Variants in TG observed in about 807,000 individuals in gnomAD.
The protein encoded by TG is thyroid hormones.
Under a neutral mutation model 324.7 loss-of-function variants are expected in TG, and 270 were observed. The observed-to-expected ratio is 0.83, with a 90% CI of 0.75 to 0.92. The LOEUF (loss-of-function observed/expected upper bound fraction) is 0.92, where lower values mean the gene tolerates loss of function less well. Among genes scored for constraint, TG ranks in the 40% least tolerant of loss-of-function variants. The probability of loss-of-function intolerance (pLI) is 0.00; values close to 1 mark genes in which losing one functional copy is unlikely to be tolerated. For synonymous variants in TG, 1,401 were observed against 1,327.0 expected, an observed-to-expected ratio of 1.06 and a Z score of -1.21; for missense variants, 3,591 against 3,456.4, an observed-to-expected ratio of 1.04 and a Z score of -0.98.
intron 8 of TG, among the ~76,000 whole-genome samples, chr8:132,886,075 G>C (rs1317937808): frequency 6.6e-6 from 1 of 152,158 alleles, no homozygotes; most frequent in African/African-American, 2.4e-5. Flanking sequence ...ACATTCTGAG[G>C]TTCCCTGTAG....
chr8:132,888,364 A>G lies in TG; in HGVS notation c.2557A>G (p.Lys853Glu). Residue 853 changes from lysine (K) to glutamate (E), a missense_variant, in exon 10 of 48, where the codon AAA becomes GAA. Physicochemically the swap from Lys to Glu is moderately conservative, Grantham distance 56. Coordinates refer to ENST00000220616, the MANE Select transcript of TG (RefSeq NM_003235.5). Reference protein sequence around the residue: ...QDVPLAALEGKRPQPRENILL... With the variant: ...QDVPLAALEGERPQPRENILL... ...TGTCCCACTAGCAGCACTGGAAGGG[A>G]AACGGCCCCAGCCCAGGGAGAATAT... is the stretch of plus-strand genomic sequence containing the variant. The G allele has an allele frequency of 6.2e-7, 1 of 1,614,200 alleles. No homozygotes were observed. The highest frequency in any genetic ancestry group is 2.2e-5 in the East Asian group (1 of 44,888).
chr8:133,095,961 G>A (rs537426560), intron 42 of TG, among the ~76,000 whole-genome samples: 1 of 152,182 alleles, frequency 6.6e-6, no homozygotes, highest in Non-Finnish European at 1.5e-5. Context: ...TCCCTACCTG[G>A]GGATCTGCTG....
At chr8:133,019,892 C>T (rs1031566648) in intron 39 of TG, among the ~76,000 whole-genome samples, 197 bp downstream of exon 39, 1 of 152,152 alleles carries the variant, frequency 6.6e-6, no homozygotes, top group Non-Finnish European at 1.5e-5. Context: ...GTGGCTAGAA[C>T]CAGTGAGTGG....
intron 37 of TG, among the ~76,000 whole-genome samples, chr8:133,014,230 A>G (rs999053599): frequency 2.6e-5 from 4 of 152,214 alleles, no homozygotes; most frequent in African/African-American, 9.6e-5. Context: ...CTATCTCAAG[A>G]TGCAATCCTC....
intron 35 of TG, among the ~76,000 whole-genome samples, chr8:133,008,681 C>T (rs767631131): frequency 1.1e-4 from 17 of 152,178 alleles, no homozygotes; most frequent in South Asian, 4.1e-4. Context: ...CCCTAGCTAG[C>T]GCTACCACTT....
intron 41 of TG, among the ~76,000 whole-genome samples, chr8:133,056,669 C>G (rs1449396392): frequency 6.6e-6 from 1 of 152,198 alleles, no homozygotes; most frequent in Non-Finnish European, 1.5e-5. Flanking sequence ...TAGGCAGAAG[C>G]CTCGTGGGGC....
intron 25 of TG, among the ~76,000 whole-genome samples, chr8:132,939,671 T>TG (rs1422272660): frequency 0.02 from 2,356 of 120,412 alleles, 61 homozygotes; most frequent in African/African-American, 0.052. Context: ...GGGTTTTTTT[T>TG]TTTTGTTTGT....
rs1463437378 is a variant in TG, at chr8:133,017,998, G to T, written c.6782+1G>T. ...GCTCCTGGGATGCCAGCAAGCCAAGGTATGGGTTGAGTGGAGCACATCTTG... is the reference window on the plus strand; with the variant it reads ...GCTCCTGGGATGCCAGCAAGCCAAGTTATGGGTTGAGTGGAGCACATCTTG... On this transcript the variant is annotated splice_donor_variant, in intron 38 of 47. Transcript: ENST00000220616. LOFTEE classifies it high-confidence loss of function. 1.5e-5 allele frequency: 24 copies of T among 1,613,904 alleles called. No individual in the cohort carries two copies. The highest frequency in any genetic ancestry group is 1.9e-5 in the Non-Finnish European group (23 of 1,179,926).
At chr8:133,066,187 G>A (rs977342636) in intron 41 of TG, among the ~76,000 whole-genome samples, 3 of 152,024 alleles carry the variant, frequency 2.0e-5, no homozygotes, top group South Asian at 2.1e-4. Context: ...TTAGCCGGGC[G>A]TGGTGGCAGG....
At chr8:132,948,215 G>C (rs556195398) in intron 26 of TG, among the ~76,000 whole-genome samples, 3 of 151,678 alleles carry the variant, frequency 2.0e-5, no homozygotes, top group Non-Finnish European at 2.9e-5. Context: ...TTGAATCTAA[G>C]TACTCCTTTA....
At chr8:132,957,334 C>A (rs1827033617) in intron 27 of TG, among the ~76,000 whole-genome samples, 1 of 152,060 alleles carries the variant, frequency 6.6e-6, no homozygotes, top group Non-Finnish European at 1.5e-5. Flanking sequence ...AGCATATTTC[C>A]CAGGCTGGCA....
chr8:132,903,886 G>C (rs1189767257), intron 16 of TG, among the ~76,000 whole-genome samples: 1 of 152,164 alleles, frequency 6.6e-6, no homozygotes, highest in Non-Finnish European at 1.5e-5. Flanking sequence ...GTCATTATTA[G>C]CACTAATTAA....
rs1270300801 is a variant in TG at position 133,134,874 on chromosome 8, T to C, written c.*80T>C. On this transcript the variant is annotated 3_prime_UTR_variant, in exon 48 of 48. Coordinates refer to ENST00000220616, the MANE Select transcript of TG (RefSeq NM_003235.5). ...TTTTCTCTAAAATAGCCACTTACCT[T>C]CAATAAAGTATCTACATGCGGTGAA... is the stretch of plus-strand genomic sequence containing the variant. 8 of 1,078,980 alleles carry C rather than the reference T, an allele frequency of 7.4e-6. No individual in the cohort carries two copies. The highest frequency in any genetic ancestry group is 1.1e-5 in the Non-Finnish European group (8 of 697,414). 66.8% of individuals were successfully genotyped at this position (1,078,980 alleles called of 1,614,324 possible). A position where few individuals can be genotyped will look rare whatever the true frequency, so the allele number is the denominator to read the frequency against.
chr8:132,956,272 T>G (rs1442581722), intron 27 of TG, among the ~76,000 whole-genome samples: 1 of 152,198 alleles, frequency 6.6e-6, no homozygotes, highest in Non-Finnish European at 1.5e-5. Context: ...TTCTCCCTCC[T>G]TCATTTATCC....
intron 20 of TG, among the ~76,000 whole-genome samples, chr8:132,918,769 T>G (rs185135753): frequency 2.6e-5 from 4 of 152,330 alleles, no homozygotes; most frequent in African/African-American, 9.6e-5. Context: ...AACTTCCCCA[T>G]AGGGTTGTAA....
At chr8:132,948,266 TGA>T (rs1395789243) in intron 26 of TG, among the ~76,000 whole-genome samples, 2 of 151,922 alleles carry the variant, frequency 1.3e-5, no homozygotes, top group Non-Finnish European at 2.9e-5. Flanking sequence ...TGTGTGCATG[TGA>T]GAGAGCGAGA....
intron 43 of TG, among the ~76,000 whole-genome samples, chr8:133,096,893 G>A (rs1228963655): frequency 6.6e-6 from 1 of 152,186 alleles, no homozygotes; most frequent in East Asian, 1.9e-4. Context: ...AGTGAAGTGG[G>A]AGTGAGCTGG....
chr8:132,983,601 A>G (rs115953739), intron 35 of TG, 189 bp downstream of exon 35: 1 of 652,448 alleles, frequency 1.5e-6, no homozygotes, highest in African/African-American at 1.8e-5. Context: ...GCAGATGAGA[A>G]AATTGACTCA....
chr8:133,019,496 TG>T, intron 38 of TG, 105 bp from the exon 39 acceptor site: 2 of 895,862 alleles, frequency 2.2e-6, no homozygotes, highest in Non-Finnish European at 1.8e-6. Flanking sequence ...GCAGAGCTGG[TG>T]GGATGCCAGG....
Sources: allele counts gnomAD v4.1 joint callset (sites outside exome capture counted in the v4.1 genomes callset), GRCh38; gene constraint gnomAD v4.1.1; transcripts MANE v1.5; gene names NCBI Gene and HGNC (gene_info 2026-07-23, HGNC 2026-07-21).